The following MACC1 variants were observed in gnomAD, a reference collection of about 807,000 sequenced individuals.
MACC1 encodes metastasis-associated in colon cancer protein 1.
In MACC1, 79 loss-of-function variants were observed where a neutral mutation model predicts 70.7. The observed-to-expected ratio is 1.12, with a 90% CI of 0.93 to 1.35. The LOEUF (loss-of-function observed/expected upper bound fraction) is 1.35, where lower values mean the gene tolerates loss of function less well. Ranked by LOEUF, MACC1 falls within the 40% of genes most tolerant of loss-of-function variation. The pLI is 0.00. For synonymous variants in MACC1, 361 were observed against 347.2 expected, an observed-to-expected ratio of 1.04 and a Z score of -0.44; for missense variants, 1,106 against 978.1, an observed-to-expected ratio of 1.13 and a Z score of -1.74.
At chr7:20,188,425 ACT>A (rs1005471638) in intron 1 of MACC1, among the ~76,000 whole-genome samples, 11 of 150,998 alleles carry the variant, frequency 7.3e-5, no homozygotes, top group Non-Finnish European at 1.6e-4. Context: ...AGTTGTAAAA[ACT>A]CTCTTGCATC....
rs1321042359 is a variant in MACC1, at chr7:20,159,407, G to A, written c.954C>T (p.Gly318=). 8 of 1,613,910 alleles carry A rather than the reference G, an allele frequency of 5.0e-6. No individual in the cohort carries two copies. Among genetic ancestry groups the A allele is most frequent in the Non-Finnish European group, 6.8e-6 (8 of 1,180,002 alleles). The change falls in exon 5 of 7, where the codon GGC becomes GGT. Residue 318 remains glycine, a synonymous_variant. Coordinates refer to ENST00000400331, the MANE Select transcript of MACC1 (RefSeq NM_182762.4). ...AGCAGTTGCTTAAAACTTTAAAAGG[G>A]CCTTCTTTACCCAAGCTGTGTAAAC... ...MVCLHSLGKE[G]PFKVLSNCYI... is the part of the protein sequence containing the mutation.
chr7:20,216,770 A>T (rs1783077031), intron 1 of MACC1, among the ~76,000 whole-genome samples: 1 of 152,232 alleles, frequency 6.6e-6, no homozygotes, highest in Non-Finnish European at 1.5e-5. Context: ...TCATAATTTA[A>T]TGCTATTAAC....
chr7:20,160,063 G>T lies in MACC1; in HGVS notation c.298C>A (p.Pro100Thr), dbSNP rs1236930595. ...TCTATTTCTCTACAGAAAAGAAAAG[G>T]ATCTTCCTTTAAGATGGAAATATTA... The part of the protein sequence containing the change: ...RNNISILKED[P>T]FLFCREIENG... Residue 100 changes from proline to threonine, a missense_variant, in exon 5 of 7, where the codon CCT (proline) becomes ACT (threonine). Physicochemically the swap from Pro to Thr is conservative, Grantham distance 38 (BLOSUM62 -1). Coordinates refer to ENST00000400331, the MANE Select transcript of MACC1 (RefSeq NM_182762.4). The T allele has an allele frequency of 1.2e-6, 2 of 1,609,818 alleles. No individual in the cohort carries two copies. The highest frequency in any genetic ancestry group is 1.1e-5 in the South Asian group (1 of 89,916).
Position 20,158,218 on chromosome 7 carries a change from A to G in MACC1, c.2143T>C (p.Tyr715His). Residue 715 changes from tyrosine to histidine, a missense_variant, in exon 5 of 7, where the codon TAT (tyrosine) becomes CAT (histidine). Coordinates refer to ENST00000400331, the MANE Select transcript of MACC1 (RefSeq NM_182762.4). ...GCAATACTCACCACAATAAGTTCATACAGAAACTTCCTTGTATTTCTCTCT... is the reference window on the plus strand; with the variant it reads ...GCAATACTCACCACAATAAGTTCATGCAGAAACTTCCTTGTATTTCTCTCT... ...HTERNTRKFL[Y>H]ELIVALLKMD... 1 of 1,578,622 alleles carries G rather than the reference A, an allele frequency of 6.3e-7. No individual in the cohort carries two copies. The highest frequency in any genetic ancestry group is 8.6e-7 in the Non-Finnish European group (1 of 1,168,416).
chr7:20,145,311 G>C (rs186529670), intron 6 of MACC1, among the ~76,000 whole-genome samples: 1 of 152,084 alleles, frequency 6.6e-6, no homozygotes, highest in African/African-American at 2.4e-5. Flanking sequence ...GTAACTTGGA[G>C]AAGGCAGTTT....
At position 20,138,685 on chromosome 7, in the gene MACC1, C is replaced by CTT. The variant is rs575196651; in HGVS notation, c.*2259_*2260dup. 1,011 of 144,276 alleles carry CTT rather than the reference C, an allele frequency of 7.0e-3. 12 individuals carry two copies. The highest frequency in any genetic ancestry group is 0.024 in the African/African-American group (959 of 39,582). The allele number at this position is 144,276 out of a possible 1,614,324, so 8.9% of individuals were successfully genotyped here. On this transcript the variant is annotated 3_prime_UTR_variant, in exon 7 of 7. Coordinates refer to ENST00000400331, the MANE Select transcript of MACC1 (RefSeq NM_182762.4). ...ATACTGAAAGCCGTACAGATTATTC[C>CTT]TTTTTTTTTTTTTGAGACAGCCTGT...
At chr7:20,147,617 T>C (rs1781912412) in intron 6 of MACC1, 1 of 152,230 alleles carries the variant, frequency 6.6e-6, no homozygotes, top group Non-Finnish European at 1.5e-5. Context: ...ATTGCTGTTG[T>C]CTTCAGAAGA....
Position 20,158,865 on chromosome 7 carries a change from T to G in MACC1, c.1496A>C (p.Gln499Pro). The change falls in exon 5 of 7, where the codon CAG becomes CCG. Residue 499 changes from glutamine to proline, a missense_variant. Gln to Pro is a moderately conservative substitution (Grantham distance 76). Coordinates refer to ENST00000400331, the MANE Select transcript of MACC1 (RefSeq NM_182762.4). Reference protein sequence around the residue: ...VEPPNGEPVAQFSITTPDPTP... With the variant: ...VEPPNGEPVAPFSITTPDPTP... ...TGGATCAGGAGTAGTGATAGAGAACTGTGCAACTGGTTCACCATTGGGAGG... is the reference window on the plus strand; with the variant it reads ...TGGATCAGGAGTAGTGATAGAGAACGGTGCAACTGGTTCACCATTGGGAGG... 6.2e-7 allele frequency: 1 copy of G among 1,614,148 alleles called. No individual in the cohort carries two copies. The highest frequency in any genetic ancestry group is 8.5e-7 in the Non-Finnish European group (1 of 1,180,022).
At chr7:20,145,595 A>G (rs1034909278) in intron 6 of MACC1, among the ~76,000 whole-genome samples, 1 of 152,324 alleles carries the variant, frequency 6.6e-6, no homozygotes, top group Admixed American at 6.5e-5. Flanking sequence ...TTTGGATTTG[A>G]ATCTTAGCTT....
Position 20,159,120 on chromosome 7 carries a change from G to T in MACC1, c.1241C>A (p.Pro414Gln), listed in dbSNP as rs1562585666. The change falls in exon 5 of 7, where the codon CCA becomes CAA. Residue 414 changes from proline to glutamine, a missense_variant. Coordinates refer to ENST00000400331, the MANE Select transcript of MACC1 (RefSeq NM_182762.4). ...DIKKGGKNIS[P>Q]VVFQLWGKQS... is the part of the protein sequence containing the mutation. ...CTTCCCCCAGAGCTGAAACACAACTGGAGATATGTTTTTTCCACCCTTCTT... is the reference window on the plus strand; with the variant it reads ...CTTCCCCCAGAGCTGAAACACAACTTGAGATATGTTTTTTCCACCCTTCTT... 6.2e-7 allele frequency: 1 copy of T among 1,613,746 alleles called. No individual in the cohort carries two copies. Among genetic ancestry groups the T allele is most frequent in the Non-Finnish European group, 8.5e-7 (1 of 1,179,976 alleles).
chr7:20,191,289 C>G (rs1186371363), intron 1 of MACC1, among the ~76,000 whole-genome samples: 4 of 152,168 alleles, frequency 2.6e-5, no homozygotes, highest in African/African-American at 9.7e-5. Flanking sequence ...AGTTGTAGAA[C>G]CCATGGGCCT....
rs79958672 is a variant in MACC1 at position 20,182,675 on chromosome 7, G to T, written c.-217-11897C>A. ...CTGTCTTGCTACCGTCCAAGACCAT[G>T]CTTCTGTTTGTAAGTTTCCCCCATA... On this transcript the variant is annotated intron_variant, in intron 1 of 6. Coordinates refer to ENST00000400331, the MANE Select transcript of MACC1 (RefSeq NM_182762.4). 7.2e-3 allele frequency among the ~76,000 whole-genome samples: 1,102 copies of T among 152,176 alleles called. 27 individuals carry two copies. Among genetic ancestry groups the T allele is most frequent in the Admixed American group, 0.038 (581 of 15,292 alleles).
At chr7:20,182,288 A>G (rs113360734) in intron 1 of MACC1, among the ~76,000 whole-genome samples, 26,964 of 151,746 alleles carry the variant, frequency 0.18, 3,037 homozygotes, top group African/African-American at 0.31. Flanking sequence ...ACATGTATAC[A>G]TATGTAACAA....
chr7:20,189,718 G>GAGAC (rs1275717355), intron 1 of MACC1, among the ~76,000 whole-genome samples: 1 of 150,678 alleles, frequency 6.6e-6, no homozygotes, highest in East Asian at 1.9e-4. Flanking sequence ...AAAAGAGACA[G>GAGAC]AGACAGACAG....
At chr7:20,148,845 ATAT>A (rs1343914166) in intron 6 of MACC1, among the ~76,000 whole-genome samples, 2 of 152,234 alleles carry the variant, frequency 1.3e-5, no homozygotes, top group African/African-American at 4.8e-5. Context: ...GAGATTTGAG[ATAT>A]CATTCTATAC....
chr7:20,154,515 AGCTCAAG>A, intron 5 of MACC1, 134 bp from the exon 6 acceptor site: 1 of 901,200 alleles, frequency 1.1e-6, no homozygotes, highest in Non-Finnish European at 1.6e-6. Flanking sequence ...AGTTTTCTAA[AGCTCAAG>A]GAGTTGATTC....
At chr7:20,194,893 T>C (rs536481691) in intron 1 of MACC1, among the ~76,000 whole-genome samples, 47 of 152,286 alleles carry the variant, frequency 3.1e-4, no homozygotes, top group Middle Eastern at 6.8e-3. Flanking sequence ...CTTTATAGAG[T>C]GATGGCTTAA....
chr7:20,139,828 AC>A lies in MACC1; in HGVS notation c.*1117del, dbSNP rs1248685594. 19 of 22,708 alleles carry A rather than the reference AC, an allele frequency of 8.4e-4. No homozygotes were observed. The highest frequency in any genetic ancestry group is 1.9e-3 in the Non-Finnish European group (19 of 10,160). 1.4% of individuals were successfully genotyped at this position (22,708 alleles called of 1,614,324 possible). ...TGTGCTTTATAAAACACTGTGGTAC[AC>A]ACACACACACACACACACACACACA... On this transcript the variant is annotated 3_prime_UTR_variant, in exon 7 of 7. Transcript: ENST00000400331.
intron 2 of MACC1, among the ~76,000 whole-genome samples, 200 bp from the exon 3 acceptor site, chr7:20,164,599 C>T (rs1398014459): frequency 2.0e-5 from 3 of 151,986 alleles, no homozygotes; most frequent in Non-Finnish European, 4.4e-5. Context: ...GAAACTACAT[C>T]GAAAAAATGG....
Sources: allele counts gnomAD v4.1 joint callset (sites outside exome capture counted in the v4.1 genomes callset), GRCh38; gene constraint gnomAD v4.1.1; transcripts MANE v1.5; gene names NCBI Gene and HGNC (gene_info 2026-07-23, HGNC 2026-07-21).